PRDM6: variants seen among roughly 807,000 people sequenced by gnomAD.
PRDM6 encodes putative histone-lysine N-methyltransferase PRDM6.
Under a neutral mutation model 60.8 loss-of-function variants are expected in PRDM6, and 25 were observed. The observed-to-expected ratio is 0.41, with a 90% CI of 0.30 to 0.57. The LOEUF is 0.57. Among genes scored for constraint, PRDM6 ranks in the 20% least tolerant of loss-of-function variants. The pLI is 0.27. For synonymous variants in PRDM6, 407 were observed against 357.4 expected (o/e 1.14, Z -1.57); for missense variants, 839 against 821.3 (o/e 1.02, Z -0.26).
At chr5:123,109,508 A>G (rs1362681780) in intron 3 of PRDM6, among the ~76,000 whole-genome samples, 4 of 152,220 alleles carry the variant, frequency 2.6e-5, no homozygotes, top group Non-Finnish European at 5.9e-5. Flanking sequence ...ATGGTAGACC[A>G]TGATACATCG....
chr5:123,125,645 T>C (rs1490067487), intron 3 of PRDM6, among the ~76,000 whole-genome samples: 1 of 152,204 alleles, frequency 6.6e-6, no homozygotes, highest in African/African-American at 2.4e-5. Flanking sequence ...AAATTGGAAT[T>C]AGGATTAAGG....
chr5:123,122,270 G>C (rs1435634945), intron 3 of PRDM6, among the ~76,000 whole-genome samples: 3 of 151,654 alleles, frequency 2.0e-5, no homozygotes, highest in Admixed American at 6.6e-5. Flanking sequence ...AAATGTTCTA[G>C]TGGGGATTCT....
chr5:123,181,960 G>A (rs59201928), intron 7 of PRDM6, among the ~76,000 whole-genome samples: 18,029 of 152,194 alleles, frequency 0.12, 1,357 homozygotes, highest in African/African-American at 0.21. Context: ...CTCCAACATA[G>A]TTTAATTTAT....
In PRDM6 at chr5:123,099,797, C is replaced by A; in HGVS notation, c.736C>A (p.Arg246Ser). ...GCCGGAGTGGCTGCGGGACCTGCCT[C>A]GCGAGGTGTGCCTCTGCACCAGTAC... ...ELPEWLRDLP[R>S]EVCLCTSTVP... Residue 246 changes from arginine (R) to serine (S), a missense_variant, in exon 3 of 8, where the codon CGC (arginine) becomes AGC (serine). Arg to Ser is a moderately radical substitution (Grantham distance 110). Coordinates refer to ENST00000407847, the MANE Select transcript of PRDM6 (RefSeq NM_001136239.4). The surrounding 1 kb of genome is among the most constrained non-coding windows in gnomAD (Gnocchi z 4.0). 2 of 1,549,108 alleles carry A rather than the reference C, an allele frequency of 1.3e-6. No individual in the cohort carries two copies. Among genetic ancestry groups the A allele is most frequent in the Non-Finnish European group, 1.7e-6 (2 of 1,146,142 alleles).
intron 3 of PRDM6, among the ~76,000 whole-genome samples, chr5:123,136,997 G>A (rs1178476810): frequency 6.6e-6 from 1 of 152,210 alleles, no homozygotes; most frequent in Non-Finnish European, 1.5e-5. Context: ...ATAATCTTGT[G>A]CAAGACACTT....
At position 123,185,284 on chromosome 5, in the gene PRDM6, C is replaced by G. The variant is rs7341070; in HGVS notation, c.1674-1803C>G. Among the ~76,000 whole-genome samples, 1,247 of 152,180 alleles carry G rather than the reference C, an allele frequency of 8.2e-3. 11 individuals carry two copies. Among genetic ancestry groups the G allele is most frequent in the African/African-American group, 0.021 (879 of 41,498 alleles). ...TCACAATTGTTCAAGCTATTCTACT[C>G]TCTTTGAAATTGATTCTAGAGCTTC... On this transcript the variant is annotated intron_variant, in intron 7 of 7. Coordinates refer to ENST00000407847, the MANE Select transcript of PRDM6 (RefSeq NM_001136239.4).
chr5:123,141,565 A>G (rs1031304628), intron 3 of PRDM6, among the ~76,000 whole-genome samples: 2 of 152,054 alleles, frequency 1.3e-5, no homozygotes, highest in African/African-American at 2.4e-5. Flanking sequence ...CTTCTTATAC[A>G]CAAGAATGAG....
rs117125988 is a variant in PRDM6 at position 123,136,673 on chromosome 5, C to T, written c.901-19211C>T. 4.5e-4 allele frequency among the ~76,000 whole-genome samples: 69 copies of T among 152,064 alleles called. No individual in the cohort carries two copies. The East Asian group carries it at 0.011, about 24-fold the overall frequency. ...TATTTGAATTGCTTTTTTAATTTGC[C>T]GATGGTGGTAGAAAAAGGTTTAATA... On this transcript the variant is annotated intron_variant, in intron 3 of 7. Coordinates refer to ENST00000407847, the MANE Select transcript of PRDM6 (RefSeq NM_001136239.4).
intron 3 of PRDM6, among the ~76,000 whole-genome samples, chr5:123,142,104 A>G (rs879805292): frequency 1.3e-5 from 2 of 152,218 alleles, no homozygotes; most frequent in Admixed American, 6.5e-5. Flanking sequence ...GTCTAATAAA[A>G]GATTGCGACT....
At chr5:123,182,894 T>C (rs1484053133) in intron 7 of PRDM6, among the ~76,000 whole-genome samples, 1 of 152,160 alleles carries the variant, frequency 6.6e-6, no homozygotes, top group Non-Finnish European at 1.5e-5. Context: ...AGTGCAAGAT[T>C]TAAACATCTT....
At chr5:123,151,323 C>A (rs555550862) in intron 3 of PRDM6, among the ~76,000 whole-genome samples, 2 of 152,272 alleles carry the variant, frequency 1.3e-5, no homozygotes, top group African/African-American at 4.8e-5. Context: ...ACTTCCCCCT[C>A]CCCATGCTGA....
chr5:123,166,972 T>G (rs558653654), intron 5 of PRDM6, among the ~76,000 whole-genome samples: 1 of 152,330 alleles, frequency 6.6e-6, no homozygotes, highest in South Asian at 2.1e-4. Context: ...CTCTGCACCT[T>G]TTGCCGTTGT....
chr5:123,095,751 C>A (rs1478920880), intron 2 of PRDM6, among the ~76,000 whole-genome samples: 1 of 152,212 alleles, frequency 6.6e-6, no homozygotes, highest in Non-Finnish European at 1.5e-5. Flanking sequence ...AGGCGTCGGG[C>A]AGGTACTGGG....
At chr5:123,138,800 C>G (rs1765030694) in intron 3 of PRDM6, among the ~76,000 whole-genome samples, 1 of 152,202 alleles carries the variant, frequency 6.6e-6, no homozygotes, top group Non-Finnish European at 1.5e-5. Context: ...GTCACCTGGT[C>G]TAAGGAGAGA....
At chr5:123,147,634 C>A (rs995197827) in intron 3 of PRDM6, among the ~76,000 whole-genome samples, 1 of 152,194 alleles carries the variant, frequency 6.6e-6, no homozygotes, top group African/African-American at 2.4e-5. Context: ...GAGGGCGGGT[C>A]TCACCAGTCA....
At chr5:123,147,068 T>C (rs529198868) in intron 3 of PRDM6, among the ~76,000 whole-genome samples, 43 of 152,188 alleles carry the variant, frequency 2.8e-4, no homozygotes, top group Non-Finnish European at 4.4e-4. Flanking sequence ...CGAATGTCTG[T>C]TTTTTTAATG....
intron 6 of PRDM6, among the ~76,000 whole-genome samples, chr5:123,172,695 A>G (rs1374097758): frequency 6.6e-6 from 1 of 152,228 alleles, no homozygotes; most frequent in African/African-American, 2.4e-5. Flanking sequence ...TTATTTGCAA[A>G]GGTTCATTAT....
chr5:123,126,518 T>C (rs1477713800), intron 3 of PRDM6, among the ~76,000 whole-genome samples: 1 of 152,160 alleles, frequency 6.6e-6, no homozygotes, highest in Non-Finnish European at 1.5e-5. Flanking sequence ...TAATTAGTTA[T>C]GGAATTGGCC....
At chr5:123,115,271 T>C (rs951525072) in intron 3 of PRDM6, among the ~76,000 whole-genome samples, 1 of 152,174 alleles carries the variant, frequency 6.6e-6, no homozygotes, top group Non-Finnish European at 1.5e-5. Flanking sequence ...ATGCTGCCAC[T>C]CCTAAATGTG....
Sources: gnomAD v4.1 joint callset for allele counts (sites outside exome capture counted in the v4.1 genomes callset) on GRCh38, gnomAD v4.1.1 for gene constraint, Gnocchi (gnomAD v3.1) non-coding constraint, MANE v1.5 for transcripts, NCBI Gene and HGNC (gene_info 2026-07-23, HGNC 2026-07-21) for gene names.